The following PARD3 variants were observed in gnomAD, a reference collection of about 807,000 sequenced individuals.
The protein encoded by PARD3 is par-3 family cell polarity regulator, also known as partitioning defective 3 homolog.
Under a neutral mutation model 155.4 loss-of-function variants are expected in PARD3, and 75 were observed. That is an observed-to-expected ratio of 0.48 (90% CI 0.40 to 0.58). The LOEUF (loss-of-function observed/expected upper bound fraction) is 0.58, where lower values mean the gene tolerates loss of function less well. Ranked by LOEUF, PARD3 falls within the 20% of genes least tolerant of loss-of-function variation. The pLI, the probability that PARD3 is intolerant of heterozygous loss-of-function variation, is 0.00. For synonymous variants in PARD3, 576 were observed against 610.5 expected (o/e 0.94, Z 0.83); for missense variants, 1,642 against 1,721.7 (o/e 0.95, Z 0.82).
At chr10:34,753,062 G>A (rs1005901646) in intron 1 of PARD3, among the ~76,000 whole-genome samples, 1 of 152,224 alleles carries the variant, frequency 6.6e-6, no homozygotes, top group Non-Finnish European at 1.5e-5. Flanking sequence ...ATGCACTTCA[G>A]TCATCTCAGC....
intron 2 of PARD3, among the ~76,000 whole-genome samples, chr10:34,518,741 A>T (rs919900033): frequency 6.6e-6 from 1 of 152,242 alleles, no homozygotes; most frequent in Non-Finnish European, 1.5e-5. Context: ...GGCAACCTCC[A>T]CCATAAAAAT....
In PARD3 at chr10:34,109,738, T is replaced by G. The variant is rs1429676044; in HGVS notation, c.*1431A>C. 6.6e-6 allele frequency: 1 copy of G among 151,484 alleles called. No homozygotes were observed. The highest frequency in any genetic ancestry group is 2.4e-5 in the African/African-American group (1 of 41,156). The allele number at this position is 151,484 out of a possible 1,614,324, so 9.4% of individuals were successfully genotyped here. A position where few individuals can be genotyped will look rare whatever the true frequency, so the allele number is the denominator to read the frequency against. Reference sequence around the variant, plus strand: ...AAGAAACAGAACCATGACACAGAAATGCAGAAGAGACACGGGTACGTGTGT... The same window carrying G: ...AAGAAACAGAACCATGACACAGAAAGGCAGAAGAGACACGGGTACGTGTGT... On this transcript the variant is annotated 3_prime_UTR_variant, in exon 25 of 25. Coordinates refer to ENST00000374788, the MANE Select transcript of PARD3 (RefSeq NM_001184785.2).
intron 14 of PARD3, 123 bp downstream of exon 14, chr10:34,359,024 A>C: frequency 1.5e-6 from 1 of 660,062 alleles, no homozygotes. Context: ...AACTACAATA[A>C]GCAAAGATAA....
chr10:34,117,104 C>T (rs1051639151), intron 24 of PARD3, among the ~76,000 whole-genome samples: 4 of 152,158 alleles, frequency 2.6e-5, no homozygotes, highest in African/African-American at 9.7e-5. Context: ...CTGGCAACTG[C>T]CCTGCCTTCC....
intron 2 of PARD3, among the ~76,000 whole-genome samples, chr10:34,539,231 C>T: frequency 6.6e-6 from 1 of 152,120 alleles, no homozygotes; most frequent in East Asian, 1.9e-4. Context: ...TGTGGTGCTC[C>T]CAGATGCTGG....
At position 34,560,829 on chromosome 10, in the gene PARD3, T is replaced by C. The variant is rs142309153; in HGVS notation, c.223-43670A>G. ...TCACGTTTTCATGAGGTGCAAAGGA[T>C]AGCTAGGGGAATAAATGTCAGCACC... On this transcript the variant is annotated intron_variant, in intron 2 of 24. Transcript: ENST00000374788. Among the ~76,000 whole-genome samples, 445 of 152,212 alleles carry C rather than the reference T, an allele frequency of 2.9e-3. 1 individual carries two copies. The highest frequency in any genetic ancestry group is 9.7e-3 in the African/African-American group (401 of 41,540).
intron 2 of PARD3, among the ~76,000 whole-genome samples, chr10:34,678,121 T>A (rs1313125813): frequency 1.3e-5 from 2 of 152,210 alleles, no homozygotes; most frequent in African/African-American, 4.8e-5. Flanking sequence ...TCACCAAGGC[T>A]GGAATGCAGT....
chr10:34,537,676 A>G (rs2083316538), intron 2 of PARD3, among the ~76,000 whole-genome samples: 1 of 152,248 alleles, frequency 6.6e-6, no homozygotes, highest in Admixed American at 6.5e-5. Flanking sequence ...AGACCATGGT[A>G]ATAAGGAGAC....
intron 19 of PARD3, among the ~76,000 whole-genome samples, chr10:34,318,199 G>GT (rs1337814679): frequency 6.6e-6 from 1 of 152,160 alleles, no homozygotes; most frequent in East Asian, 1.9e-4. Flanking sequence ...AGTAACTGAA[G>GT]TAAGTCTCCC....
At chr10:34,210,366 T>A (rs778832516) in intron 22 of PARD3, among the ~76,000 whole-genome samples, 5 of 152,194 alleles carry the variant, frequency 3.3e-5, no homozygotes, top group Admixed American at 1.3e-4. Context: ...GAACCACTCT[T>A]TCACTAGTGA....
chr10:34,115,913 C>T (rs1057186432), intron 24 of PARD3, among the ~76,000 whole-genome samples: 33 of 152,020 alleles, frequency 2.2e-4, no homozygotes, highest in African/African-American at 4.8e-4. Context: ...AAGGTTTCAC[C>T]GTGTTAGCCA....
At chr10:34,121,402 C>T (rs766626586) in intron 23 of PARD3, among the ~76,000 whole-genome samples, 2 of 152,228 alleles carry the variant, frequency 1.3e-5, no homozygotes, top group Non-Finnish European at 2.9e-5. Context: ...TGTTATGCAA[C>T]GTTGTGCAAC....
chr10:34,640,899 G>A (rs2092658798), intron 2 of PARD3, among the ~76,000 whole-genome samples: 1 of 151,676 alleles, frequency 6.6e-6, no homozygotes, highest in Admixed American at 6.6e-5. Context: ...AGGGAGGGAG[G>A]GAATGTGATA....
intron 1 of PARD3, among the ~76,000 whole-genome samples, chr10:34,781,671 G>C (rs1280620687): frequency 5.3e-5 from 8 of 152,340 alleles, no homozygotes; most frequent in Admixed American, 4.6e-4. Flanking sequence ...GGGAGGAAAA[G>C]TTGAGTGCAG....
chr10:34,565,004 A>G (rs2085806053), intron 2 of PARD3, among the ~76,000 whole-genome samples: 2 of 152,086 alleles, frequency 1.3e-5, no homozygotes, highest in African/African-American at 4.8e-5. Flanking sequence ...GCACAGAACT[A>G]ATTAACTTCT....
chr10:34,450,418 C>A lies in PARD3; in HGVS notation c.613G>T (p.Asp205Tyr). The change falls in exon 5 of 25, where the codon GAT (aspartate) becomes TAT (tyrosine). Residue 205 changes from aspartate (D) to tyrosine (Y), a missense_variant. By Grantham distance (160) the Asp-to-Tyr change is radical (BLOSUM62 -3). Around this residue, in one of 3 missense-constraint regions of PARD3, gnomAD observed 1,529 missense variants for 1,587.3 expected, o/e 0.96. Transcript: ENST00000374788. The part of the protein sequence containing the change: ...KDENYRSLPR[D>Y]TSNWSNQFQR... Reference sequence around the variant, plus strand: ...AATTGGTTAGACCAGTTACTAGTATCCCGCGGGAGGCTTCTGTAGTTTTCA... The same window carrying A: ...AATTGGTTAGACCAGTTACTAGTATACCGCGGGAGGCTTCTGTAGTTTTCA... 6.2e-7 allele frequency: 1 copy of A among 1,613,608 alleles called. No homozygotes were observed. The highest frequency in any genetic ancestry group is 8.5e-7 in the Non-Finnish European group (1 of 1,179,820).
rs1278856351 is a variant in PARD3 at position 34,404,943 on chromosome 10, G to A, written c.715-3026C>T. Reference sequence around the variant, plus strand: ...TACAAAAAACCAGGTGAGATAGTGCGTGCCTGTAGTCCCAACTACTGGGAA... The same window carrying A: ...TACAAAAAACCAGGTGAGATAGTGCATGCCTGTAGTCCCAACTACTGGGAA... On this transcript the variant is annotated intron_variant, in intron 5 of 24. Coordinates refer to ENST00000374788, the MANE Select transcript of PARD3 (RefSeq NM_001184785.2). Among the ~76,000 whole-genome samples, 4 of 151,960 alleles carry A rather than the reference G, an allele frequency of 2.6e-5. No individual in the cohort carries two copies. The East Asian group carries it at 5.8e-4, about 22-fold the overall frequency.
At chr10:34,219,222 G>C (rs1023926670) in intron 22 of PARD3, among the ~76,000 whole-genome samples, 9 of 152,154 alleles carry the variant, frequency 5.9e-5, no homozygotes, top group Non-Finnish European at 1.3e-4. Flanking sequence ...ATAGAAGGCG[G>C]TCTTAGGAGG....
intron 2 of PARD3, among the ~76,000 whole-genome samples, chr10:34,526,830 C>T (rs764115387): frequency 1.3e-5 from 2 of 152,170 alleles, no homozygotes; most frequent in African/African-American, 4.8e-5. Context: ...TATCCAGTGT[C>T]GTCAGAAACA....
Sources: allele counts gnomAD v4.1 joint callset (sites outside exome capture counted in the v4.1 genomes callset), GRCh38; gene constraint gnomAD v4.1.1; regional missense constraint gnomAD v4.1.1; transcripts MANE v1.5; gene names NCBI Gene and HGNC (gene_info 2026-07-23, HGNC 2026-07-21).